Variants in GRIA3 observed in about 807,000 individuals in gnomAD.
GRIA3 encodes glutamate ionotropic receptor AMPA type subunit 3.
Under a neutral mutation model 63.0 loss-of-function variants are expected in GRIA3, and 3 were observed. That is an observed-to-expected ratio of 0.05 (90% CI 0.02 to 0.12). GRIA3 has a LOEUF of 0.12. Among genes scored for constraint, GRIA3 ranks in the 10% least tolerant of loss-of-function variants. The pLI, the probability that GRIA3 is intolerant of heterozygous loss-of-function variation, is 1.00. For synonymous variants in GRIA3, 274 were observed against 257.9 expected (o/e 1.06, Z -0.60); for missense variants, 347 against 700.9 (o/e 0.50, Z 5.70).
At chrX:123,304,629 G>T (rs1051793291) in intron 3 of GRIA3, among the ~76,000 whole-genome samples, 1 of 111,657 alleles carries the variant, frequency 9.0e-6, no homozygotes, top group African/African-American at 3.2e-5. Context: ...ATCTGTAAAG[G>T]CTACCAGAGT....
chrX:123,386,388 T>G (rs1242742250), intron 5 of GRIA3, among the ~76,000 whole-genome samples: 1 of 112,108 alleles, frequency 8.9e-6, no homozygotes, highest in Non-Finnish European at 1.9e-5. Context: ...TTACAAATAT[T>G]TTCTGCCATT....
chrX:123,281,141 T>C (rs2044583672), intron 3 of GRIA3, among the ~76,000 whole-genome samples: 1 of 111,700 alleles, frequency 9.0e-6, no homozygotes, highest in Non-Finnish European at 1.9e-5. Flanking sequence ...AGGAGTAATA[T>C]ATGAATATAT....
intron 5 of GRIA3, among the ~76,000 whole-genome samples, chrX:123,392,541 G>A (rs2045392368): frequency 9.0e-6 from 1 of 111,379 alleles, no homozygotes; most frequent in South Asian, 3.8e-4. Context: ...TGTGGGTTGA[G>A]GGCTCTCCCA....
intron 2 of GRIA3, among the ~76,000 whole-genome samples, chrX:123,223,235 A>G (rs1419803949): frequency 8.9e-6 from 1 of 112,905 alleles, no homozygotes; most frequent in African/African-American, 3.2e-5. Flanking sequence ...TGTCCTTGAC[A>G]CTTAAGGAAT....
intron 12 of GRIA3, among the ~76,000 whole-genome samples, chrX:123,440,882 G>T (rs1285918542): frequency 5.4e-5 from 6 of 111,902 alleles, no homozygotes; most frequent in Non-Finnish European, 1.1e-4. Flanking sequence ...GTCCAGGATG[G>T]TATTGCCTAG....
chrX:123,369,570 CAAT>C (rs972859480), intron 5 of GRIA3, among the ~76,000 whole-genome samples: 4 of 112,071 alleles, frequency 3.6e-5, no homozygotes, highest in African/African-American at 1.3e-4. Context: ...TCCATGACTC[CAAT>C]AATGTCTAGC....
intron 5 of GRIA3, among the ~76,000 whole-genome samples, chrX:123,380,715 T>C (rs2045319122): frequency 8.9e-6 from 1 of 112,128 alleles, no homozygotes; most frequent in Non-Finnish European, 1.9e-5. Context: ...CATGAAGTCC[T>C]TGCCCATGCC....
chrX:123,446,152 C>T (rs1490532421), intron 12 of GRIA3, among the ~76,000 whole-genome samples: 1 of 111,795 alleles, frequency 8.9e-6, no homozygotes, highest in Non-Finnish European at 1.9e-5. Context: ...TAATGCTGGG[C>T]TAAATATTCA....
At chrX:123,281,590 G>A (rs1178735649) in intron 3 of GRIA3, among the ~76,000 whole-genome samples, 1 of 111,395 alleles carries the variant, frequency 9.0e-6, no homozygotes, top group East Asian at 2.8e-4. Context: ...AGCTTGTCAT[G>A]GTACCTTAAA....
At chrX:123,254,145 G>C (rs898400004) in intron 3 of GRIA3, among the ~76,000 whole-genome samples, 29 of 111,083 alleles carry the variant, frequency 2.6e-4, no homozygotes, top group African/African-American at 9.5e-4. Flanking sequence ...TTTTGTTTTT[G>C]GTTTTGTTTT....
At chrX:123,215,438 T>G (rs1359903878) in intron 2 of GRIA3, among the ~76,000 whole-genome samples, 2 of 111,964 alleles carry the variant, frequency 1.8e-5, no homozygotes, top group Non-Finnish European at 3.8e-5. Context: ...GTTCGTTCCT[T>G]TTCCCCTTCT....
At chrX:123,455,484 T>C (rs901635652) in intron 12 of GRIA3, among the ~76,000 whole-genome samples, 2 of 112,173 alleles carry the variant, frequency 1.8e-5, no homozygotes, top group African/African-American at 6.5e-5. Flanking sequence ...ATTAGAGCTA[T>C]TGACTTCTTC....
intron 13 of GRIA3, among the ~76,000 whole-genome samples, chrX:123,468,767 T>A (rs2045847751): frequency 8.9e-6 from 1 of 112,532 alleles, no homozygotes; most frequent in Non-Finnish European, 1.9e-5. Flanking sequence ...TTACATCTCT[T>A]CATTGTGTCC....
intron 5 of GRIA3, among the ~76,000 whole-genome samples, chrX:123,391,890 G>A (rs1268013469): frequency 8.9e-6 from 1 of 112,272 alleles, no homozygotes; most frequent in South Asian, 3.7e-4. Context: ...CTGTCCTCAG[G>A]TTCCCAGGAG....
At chrX:123,236,558 C>T (rs762174986) in intron 2 of GRIA3, among the ~76,000 whole-genome samples, 2 of 36,657 alleles carry the variant, frequency 5.5e-5, no homozygotes, top group South Asian at 3.5e-3. Context: ...GAGCACTTAA[C>T]CAAGTACAAC....
intron 10 of GRIA3, among the ~76,000 whole-genome samples, chrX:123,407,563 C>T (rs975275160): frequency 1.8e-5 from 2 of 109,007 alleles, no homozygotes; most frequent in African/African-American, 3.3e-5. Flanking sequence ...CCCTCTTGGG[C>T]CTCTTTTATA....
chrX:123,290,586 CTGTGTGTGTGTGTGTGTGTGTGTG>C (rs761564682), intron 3 of GRIA3, among the ~76,000 whole-genome samples: 2 of 90,173 alleles, frequency 2.2e-5, no homozygotes, highest in African/African-American at 8.1e-5. Flanking sequence ...CCTCAAAGGA[CTGTGTGTGTGTGTGTGTGTGTGTG>C]TGTGTGTGTG....
chrX:123,285,649 C>T (rs1391398476), intron 3 of GRIA3, among the ~76,000 whole-genome samples: 5 of 79,831 alleles, frequency 6.3e-5, no homozygotes, highest in Non-Finnish European at 9.8e-5. Context: ...TTTAAACCAA[C>T]AAAGACCAAA....
intron 12 of GRIA3, among the ~76,000 whole-genome samples, chrX:123,463,616 GAAAGAAAGAAAGAAAGAAAGAAAGAAA>G (rs2045810170): frequency 5.7e-4 from 8 of 14,136 alleles, no homozygotes; most frequent in Non-Finnish European, 3.4e-4. Flanking sequence ...GGGAGGGAAA[GAAAGAAAGAAAGAAAGAAAGAAAGAAA>G]GAAAGAAAGA....
Sources: allele counts gnomAD v4.1 joint callset (sites outside exome capture counted in the v4.1 genomes callset), GRCh38; gene constraint gnomAD v4.1.1; transcripts MANE v1.5; gene names NCBI Gene and HGNC (gene_info 2026-07-23, HGNC 2026-07-21).